The following VAX2 variants were observed in gnomAD, a reference collection of about 807,000 sequenced individuals.
VAX2 encodes ventral anterior homeobox 2.
VAX2 carries 8 observed loss-of-function variants against 12.5 expected under a neutral mutation model. That is an observed-to-expected ratio of 0.64 (90% CI 0.37 to 1.15). VAX2 has a LOEUF of 1.15. VAX2 is among the 50% of genes most tolerant of loss of function. VAX2 has a pLI of 0.01. For missense variants in VAX2, 476 were observed against 412.9 expected, an observed-to-expected ratio of 1.15 and a Z score of -1.32; for synonymous variants, 183 against 187.6, an observed-to-expected ratio of 0.98 and a Z score of 0.20.
At chr2:70,903,992 G>A (rs1177860217) in intron 1 of VAX2, among the ~76,000 whole-genome samples, 1 of 152,204 alleles carries the variant, frequency 6.6e-6, no homozygotes, top group Non-Finnish European at 1.5e-5. Context: ...GAGGCCAAAC[G>A]TGGTGCGTCT....
At chr2:70,922,729 T>C (rs1433206008) in intron 2 of VAX2, among the ~76,000 whole-genome samples, 4 of 151,316 alleles carry the variant, frequency 2.6e-5, no homozygotes, top group Admixed American at 1.3e-4. Flanking sequence ...CATCTCCACC[T>C]GCACTTGTTT....
chr2:70,918,659 G>A (rs1453487864), intron 1 of VAX2, among the ~76,000 whole-genome samples: 1 of 152,166 alleles, frequency 6.6e-6, no homozygotes, highest in Non-Finnish European at 1.5e-5. Context: ...CACTTTGGGT[G>A]TCCGAGGTGG....
chr2:70,914,127 T>C (rs782319512), intron 1 of VAX2, among the ~76,000 whole-genome samples: 4 of 152,170 alleles, frequency 2.6e-5, no homozygotes, highest in Non-Finnish European at 5.9e-5. Flanking sequence ...CACCTGAGCC[T>C]GTGTTTCTCT....
At chr2:70,930,835 A>T (rs575843309) in intron 2 of VAX2, among the ~76,000 whole-genome samples, 27 of 152,228 alleles carry the variant, frequency 1.8e-4, no homozygotes, top group African/African-American at 5.5e-4. Flanking sequence ...GGTCTTCCTG[A>T]CCTTTTCTTA....
chr2:70,904,712 T>G lies in VAX2; in HGVS notation c.247+3844T>G, dbSNP rs1553410341. On this transcript the variant is annotated intron_variant, in intron 1 of 2. Transcript: ENST00000234392. This position sits in a 1 kb window ranked among gnomAD's most constrained non-coding sequence, Gnocchi z 4.2. ...ACCCCACCACCAGCAGCAAAAACGCTTTCACCCGGGAGCTGCATGGATGCG... is the reference window on the plus strand; with the variant it reads ...ACCCCACCACCAGCAGCAAAAACGCGTTCACCCGGGAGCTGCATGGATGCG... 6.6e-6 allele frequency among the ~76,000 whole-genome samples: 1 copy of G among 152,192 alleles called. No homozygotes were observed. The highest frequency in any genetic ancestry group is 2.4e-5 in the African/African-American group (1 of 41,452).
intron 2 of VAX2, 111 bp from the exon 3 acceptor site, chr2:70,932,656 C>A: frequency 2.2e-5 from 4 of 184,016 alleles, no homozygotes; most frequent in Non-Finnish European, 4.3e-5. Flanking sequence ...CCACCCCCAT[C>A]CACCACCTGC....
At chr2:70,919,545 A>C (rs1052992870) in intron 1 of VAX2, among the ~76,000 whole-genome samples, 1 of 152,134 alleles carries the variant, frequency 6.6e-6, no homozygotes, top group East Asian at 1.9e-4. Flanking sequence ...AAAAATAATT[A>C]AAAAATAAAA....
chr2:70,933,062 C>A lies in VAX2; in HGVS notation c.731C>A (p.Pro244His). 2 of 1,607,948 alleles carry A rather than the reference C, an allele frequency of 1.2e-6. No individual in the cohort carries two copies. The highest frequency in any genetic ancestry group is 2.2e-5 in the South Asian group (2 of 89,886). The change falls in exon 3 of 3, where the codon CCT (proline) becomes CAT (histidine). Residue 244 changes from proline to histidine, a missense_variant. Pro to His is a moderately conservative substitution (Grantham distance 77). Coordinates refer to ENST00000234392, the MANE Select transcript of VAX2 (RefSeq NM_012476.3). ...TCAGCGTCCCCCCCACTGCCGCCCCCTCTGCCAGCTGTCTGCTTTTCCTCG... is the reference window on the plus strand; with the variant it reads ...TCAGCGTCCCCCCCACTGCCGCCCCATCTGCCAGCTGTCTGCTTTTCCTCG... ...SASASPPLPPPLPAVCFSSAP... is the reference protein window; with the variant it reads ...SASASPPLPPHLPAVCFSSAP...
chr2:70,919,867 A>G (rs1679411158), intron 1 of VAX2, among the ~76,000 whole-genome samples: 1 of 152,174 alleles, frequency 6.6e-6, no homozygotes, highest in Non-Finnish European at 1.5e-5. Context: ...TAAATAAACA[A>G]AACAAAATTA....
At chr2:70,900,898 C>T (rs1157735531) in intron 1 of VAX2, 30 bp downstream of exon 1, 4 of 1,340,316 alleles carry the variant, frequency 3.0e-6, no homozygotes, top group Non-Finnish European at 3.8e-6. Flanking sequence ...CCCTGCTCCA[C>T]TGGACCCTCA....
chr2:70,932,637 A>AACCCC, intron 2 of VAX2, 130 bp from the exon 3 acceptor site: 1 of 144,554 alleles, frequency 6.9e-6, no homozygotes, highest in African/African-American at 3.0e-5. Context: ...CCACCCTCAC[A>AACCCC]CCCCACCCCC....
rs782793917 is a variant in VAX2 at position 70,933,153 on chromosome 2, G to T, written c.822G>T (p.Trp274Cys). ...LGSSAFEPYS[W>C]LERKVGSASS... ...CCTCGGCCTTCGAGCCATACAGCTG[G>T]CTAGAACGGAAAGTGGGCAGCGCCA... The change falls in exon 3 of 3, where the codon TGG (tryptophan) becomes TGT (cysteine). Residue 274 changes from tryptophan (W) to cysteine (C), a missense_variant. Trp to Cys is a radical substitution (Grantham distance 215). Transcript: ENST00000234392. The T allele has an allele frequency of 3.5e-5, 54 of 1,559,318 alleles. No homozygotes were observed. The highest frequency in any genetic ancestry group is 4.6e-5 in the Non-Finnish European group (53 of 1,155,516).
At chr2:70,906,687 G>A (rs1553410634) in intron 1 of VAX2, among the ~76,000 whole-genome samples, 1 of 151,774 alleles carries the variant, frequency 6.6e-6, no homozygotes, top group Non-Finnish European at 1.5e-5. Flanking sequence ...GCTACCGCGC[G>A]TTTCTTGTTC....
At position 70,933,358 on chromosome 2, in the gene VAX2, C is replaced by T. The variant is rs1018379544; in HGVS notation, c.*154C>T. On this transcript the variant is annotated 3_prime_UTR_variant, in exon 3 of 3. Transcript: ENST00000234392. Reference sequence around the variant, plus strand: ...AGCTCAGAGACTCGTGACCAAATGGCCTTGGTCCCGCAGCTTGTGTGCGTG... The same window carrying T: ...AGCTCAGAGACTCGTGACCAAATGGTCTTGGTCCCGCAGCTTGTGTGCGTG... 2 of 675,570 alleles carry T rather than the reference C, an allele frequency of 3.0e-6. No homozygotes were observed. Among genetic ancestry groups the T allele is most frequent in the South Asian group, 4.4e-5 (1 of 22,964 alleles). 41.8% of individuals were successfully genotyped at this position (675,570 alleles called of 1,614,324 possible).
At chr2:70,930,992 T>C (rs72895732) in intron 2 of VAX2, among the ~76,000 whole-genome samples, 6,588 of 152,298 alleles carry the variant, frequency 0.043, 485 homozygotes, top group African/African-American at 0.15. Context: ...CTGTAGATGC[T>C]GTGGCCTGAT....
intron 1 of VAX2, among the ~76,000 whole-genome samples, chr2:70,917,797 G>A (rs782610943): frequency 1.3e-5 from 2 of 152,094 alleles, no homozygotes; most frequent in Non-Finnish European, 2.9e-5. Flanking sequence ...TTGATCTCAT[G>A]TTTAGGGACT....
intron 2 of VAX2, among the ~76,000 whole-genome samples, chr2:70,924,101 C>G (rs1250280065): frequency 1.3e-5 from 2 of 152,156 alleles, no homozygotes; most frequent in African/African-American, 2.4e-5. Context: ...GTCAAGGCTA[C>G]AGTGAGCCAT....
chr2:70,928,338 C>T (rs1440706462), intron 2 of VAX2, among the ~76,000 whole-genome samples: 1 of 152,224 alleles, frequency 6.6e-6, no homozygotes, highest in Non-Finnish European at 1.5e-5. Context: ...GCCTCAGCCC[C>T]ATTCCCTAGA....
chr2:70,932,539 G>A (rs183153285), intron 2 of VAX2, among the ~76,000 whole-genome samples: 10 of 151,964 alleles, frequency 6.6e-5, no homozygotes, highest in African/African-American at 2.4e-4. Flanking sequence ...TCCATAATTT[G>A]GGGGACCAGA....
Sources: allele counts gnomAD v4.1 joint callset (sites outside exome capture counted in the v4.1 genomes callset), GRCh38; gene constraint gnomAD v4.1.1; non-coding constraint Gnocchi (gnomAD v3.1); transcripts MANE v1.5; gene names NCBI Gene and HGNC (gene_info 2026-07-23, HGNC 2026-07-21).